Variants in USP13 observed in about 807,000 individuals in gnomAD.
USP13 encodes the protein ubiquitin carboxyl-terminal hydrolase 13.
In USP13, 68 loss-of-function variants were observed where a neutral mutation model predicts 107.8. The observed-to-expected ratio is 0.63, with a 90% CI of 0.52 to 0.77. USP13 has a LOEUF of 0.77. USP13 is among the 30% of genes least tolerant of loss of function. The pLI, the probability that USP13 is intolerant of heterozygous loss-of-function variation, is 0.00. For synonymous variants in USP13, 377 were observed against 389.5 expected (o/e 0.97, Z 0.38); for missense variants, 945 against 1,093.3 (o/e 0.86, Z 1.91).
intron 7 of USP13, among the ~76,000 whole-genome samples, chr3:179,720,265 C>T (rs1021663311): frequency 6.6e-6 from 1 of 152,192 alleles, no homozygotes; most frequent in Non-Finnish European, 1.5e-5. Flanking sequence ...TCATCAAGTA[C>T]TCTTTTGGTT....
chr3:179,762,119 G>A (rs760527361), intron 17 of USP13, among the ~76,000 whole-genome samples: 7 of 152,268 alleles, frequency 4.6e-5, no homozygotes, highest in Non-Finnish European at 7.4e-5. Context: ...TGGCAACCAC[G>A]AATCTGTTTT....
In USP13 at chr3:179,784,181, T is replaced by C. The variant is rs1273553529; in HGVS notation, c.*40T>C. On this transcript the variant is annotated 3_prime_UTR_variant, in exon 21 of 21. Coordinates refer to ENST00000263966, the MANE Select transcript of USP13 (RefSeq NM_003940.3). Reference sequence around the variant, plus strand: ...AATTGGCGAAAAGAAGCCATACGCCTTTTTAATTTGCCAAAAAAAAAAAGA... The same window carrying C: ...AATTGGCGAAAAGAAGCCATACGCCCTTTTAATTTGCCAAAAAAAAAAAGA... The C allele has an allele frequency of 3.4e-6, 5 of 1,473,952 alleles. No homozygotes were observed. Among genetic ancestry groups the C allele is most frequent in the Non-Finnish European group, 4.6e-6 (5 of 1,082,292 alleles). 91.3% of individuals were successfully genotyped at this position (1,473,952 alleles called of 1,614,324 possible).
At chr3:179,730,433 T>G (rs992337250) in intron 9 of USP13, among the ~76,000 whole-genome samples, 173 bp downstream of exon 9, 7 of 152,216 alleles carry the variant, frequency 4.6e-5, no homozygotes, top group African/African-American at 1.7e-4. Context: ...TACAAAGGAC[T>G]GAAGAAAATT....
chr3:179,774,164 G>A lies in USP13; in HGVS notation c.2414-7575G>A, dbSNP rs1715429148. On this transcript the variant is annotated intron_variant, in intron 19 of 20. Coordinates refer to ENST00000263966, the MANE Select transcript of USP13 (RefSeq NM_003940.3). Reference sequence around the variant, plus strand: ...AGAGAGAACAAGCGAGAGAGAAGAGGTGTCATGTTTTTTTAAACAACCTCT... The same window carrying A: ...AGAGAGAACAAGCGAGAGAGAAGAGATGTCATGTTTTTTTAAACAACCTCT... Among the ~76,000 whole-genome samples, 8 of 152,238 alleles carry A rather than the reference G, an allele frequency of 5.3e-5. No homozygotes were observed. The South Asian group carries it at 1.7e-3, about 32-fold the overall frequency.
Position 179,752,324 on chromosome 3 carries a change from G to A in USP13, c.1749G>A (p.Val583=), listed in dbSNP as rs1274320572. 6.2e-7 allele frequency: 1 copy of A among 1,614,034 alleles called. No individual in the cohort carries two copies. The highest frequency in any genetic ancestry group is 8.5e-7 in the Non-Finnish European group (1 of 1,180,022). Residue 583 remains valine (V), a synonymous_variant, in exon 14 of 21, where the codon GTG becomes GTA. Coordinates refer to ENST00000263966, the MANE Select transcript of USP13 (RefSeq NM_003940.3). Reference sequence around the variant, plus strand: ...CTTCATTCCCTGAATACTTGGTAGTGCAGATAAAGAAGTTCACTTTTGGTC... The same window carrying A: ...CTTCATTCCCTGAATACTTGGTAGTACAGATAAAGAAGTTCACTTTTGGTC... The part of the protein sequence containing the change: ...RFASFPEYLV[V]QIKKFTFGLD...
At position 179,761,078 on chromosome 3, in the gene USP13, C is replaced by G. The variant is rs200487585; in HGVS notation, c.1949-34C>G. The G allele has an allele frequency of 2.4e-4, 383 of 1,612,902 alleles. No homozygotes were observed. The African/African-American group carries it at 3.7e-3, about 16-fold the overall frequency. On this transcript the variant is annotated intron_variant, in intron 16 of 20. Transcript: ENST00000263966. ...CTAAGACAAGAAGCGACAGTTTCCT[C>G]TTTCACACTAGAATATCCTGTTGTG...
At chr3:179,715,708 C>T (rs1172826956) in intron 6 of USP13, among the ~76,000 whole-genome samples, 10 of 151,834 alleles carry the variant, frequency 6.6e-5, no homozygotes. Flanking sequence ...TCTTGTTTTT[C>T]TTCTTTTCCT....
chr3:179,708,826 C>G lies in USP13; in HGVS notation c.674C>G (p.Thr225Ser). 1 of 1,614,202 alleles carries G rather than the reference C, an allele frequency of 6.2e-7. No individual in the cohort carries two copies. Among genetic ancestry groups the G allele is most frequent in the Non-Finnish European group, 8.5e-7 (1 of 1,180,036 alleles). Residue 225 changes from threonine to serine, a missense_variant, in exon 6 of 21, where the codon ACT becomes AGT. Coordinates refer to ENST00000263966, the MANE Select transcript of USP13 (RefSeq NM_003940.3). ...DLRENLWLNL[T>S]DGSVLCGKWF... ...CGAGAAAACCTCTGGTTGAATCTGA[C>G]TGACGGCTCTGTCCTGTGTGGAAAG... is the stretch of plus-strand genomic sequence containing the variant.
intron 4 of USP13, among the ~76,000 whole-genome samples, chr3:179,703,310 T>G (rs951653972): frequency 6.6e-6 from 1 of 152,252 alleles, no homozygotes; most frequent in African/African-American, 2.4e-5. Context: ...TCGACAATTC[T>G]CTTTTTAAAC....
Position 179,778,191 on chromosome 3 carries a change from C to T in USP13, c.2414-3548C>T, listed in dbSNP as rs1161607415. Reference sequence around the variant, plus strand: ...CATTTCTGATTAAATAATTATTTCACCAGTTTATACCCCAATATATGCTTT... The same window carrying T: ...CATTTCTGATTAAATAATTATTTCATCAGTTTATACCCCAATATATGCTTT... On this transcript the variant is annotated intron_variant, in intron 19 of 20. Coordinates refer to ENST00000263966, the MANE Select transcript of USP13 (RefSeq NM_003940.3). 2.0e-5 allele frequency among the ~76,000 whole-genome samples: 3 copies of T among 151,812 alleles called. 1 individual carries two copies. Among genetic ancestry groups the T allele is most frequent in the Admixed American group, 6.6e-5 (1 of 15,256 alleles).
chr3:179,665,589 G>T (rs1481748597), intron 1 of USP13, among the ~76,000 whole-genome samples: 2 of 151,946 alleles, frequency 1.3e-5, no homozygotes, highest in Non-Finnish European at 2.9e-5. Flanking sequence ...GATATTTAAG[G>T]CTTTTCTTTT....
chr3:179,774,734 C>G (rs1266468872), intron 19 of USP13, among the ~76,000 whole-genome samples: 2 of 152,212 alleles, frequency 1.3e-5, no homozygotes, highest in Non-Finnish European at 1.5e-5. Flanking sequence ...CCACTGCTGG[C>G]TCGGGCAGCC....
intron 5 of USP13, among the ~76,000 whole-genome samples, chr3:179,707,590 C>G (rs1039332886): frequency 6.6e-6 from 1 of 152,156 alleles, no homozygotes; most frequent in African/African-American, 2.4e-5. Context: ...TCTTTCTTCC[C>G]CACTTCCCTG....
At chr3:179,706,252 A>G (rs1244512708) in intron 4 of USP13, among the ~76,000 whole-genome samples, 2 of 152,262 alleles carry the variant, frequency 1.3e-5, no homozygotes, top group Admixed American at 6.5e-5. Flanking sequence ...GAAATAGCTT[A>G]TAGCATTAAG....
chr3:179,753,639 T>C (rs1259130589), intron 14 of USP13, among the ~76,000 whole-genome samples: 1 of 152,206 alleles, frequency 6.6e-6, no homozygotes, highest in African/African-American at 2.4e-5. Flanking sequence ...TGGTGAGTTT[T>C]TATGTTTGGT....
chr3:179,734,813 T>A (rs1713931065), intron 10 of USP13, among the ~76,000 whole-genome samples: 1 of 152,240 alleles, frequency 6.6e-6, no homozygotes, highest in Admixed American at 6.5e-5. Flanking sequence ...CAGGCAGACA[T>A]GTGTCTATCT....
intron 3 of USP13, among the ~76,000 whole-genome samples, chr3:179,692,492 AC>A (rs1712147845): frequency 6.6e-6 from 1 of 152,178 alleles, no homozygotes; most frequent in African/African-American, 2.4e-5. Context: ...TTGGACCACA[AC>A]CCAGTTTAAC....
chr3:179,722,953 G>A (rs942432667), intron 8 of USP13, among the ~76,000 whole-genome samples: 46 of 152,192 alleles, frequency 3.0e-4, no homozygotes, highest in African/African-American at 1.1e-3. Context: ...TTTCTTCCTT[G>A]GGTGTACTGA....
chr3:179,781,712 G>A, intron 19 of USP13, 27 bp from the exon 20 acceptor site: 1 of 1,605,678 alleles, frequency 6.2e-7, no homozygotes, highest in Middle Eastern at 1.7e-4. Context: ...ATGCTGCCTT[G>A]TAACTGAGTT....
Sources: gnomAD v4.1 joint callset for allele counts (sites outside exome capture counted in the v4.1 genomes callset) on GRCh38, gnomAD v4.1.1 for gene constraint, MANE v1.5 for transcripts, NCBI Gene and HGNC (gene_info 2026-07-23, HGNC 2026-07-21) for gene names.